The following NGEF variants were observed in gnomAD, a reference collection of about 807,000 sequenced individuals.
NGEF encodes neuronal guanine nucleotide exchange factor.
A neutral mutation model predicts 80.9 loss-of-function variants in NGEF; 31 were observed. That is an observed-to-expected ratio of 0.38 (90% CI 0.29 to 0.52). The LOEUF (loss-of-function observed/expected upper bound fraction) is 0.52. Ranked by LOEUF, NGEF falls within the 20% of genes least tolerant of loss-of-function variation. NGEF has a pLI of 0.84. For missense variants in NGEF, 709 were observed against 926.2 expected, an observed-to-expected ratio of 0.77 and a Z score of 3.04; for synonymous variants, 371 against 370.2, an observed-to-expected ratio of 1.00 and a Z score of -0.03.
intron 3 of NGEF, among the ~76,000 whole-genome samples, chr2:232,946,376 C>T (rs1693558970): frequency 6.6e-6 from 1 of 152,036 alleles, no homozygotes; most frequent in Non-Finnish European, 1.5e-5. Context: ...TCACAAATCA[C>T]CACTAAAGAA....
intron 8 of NGEF, 99 bp downstream of exon 8, chr2:232,891,259 G>T (rs1000454281): frequency 6.8e-7 from 1 of 1,472,280 alleles, no homozygotes; most frequent in Non-Finnish European, 9.3e-7. Context: ...CTTAGTATCT[G>T]TTGAACCAGT....
At chr2:232,942,866 C>CCG (rs1553552430) in intron 3 of NGEF, among the ~76,000 whole-genome samples, 3 of 145,024 alleles carry the variant, frequency 2.1e-5, no homozygotes, top group Non-Finnish European at 4.5e-5. Context: ...CATTATTTTC[C>CCG]GGGGGGGAGT....
intron 1 of NGEF, among the ~76,000 whole-genome samples, chr2:232,996,822 A>AT (rs112371323): frequency 0.1 from 15,775 of 152,068 alleles, 2,746 homozygotes; most frequent in African/African-American, 0.36. Flanking sequence ...TGGTTAAAAG[A>AT]TTTTTTTAAA....
chr2:233,001,423 G>A (rs1694975856), intron 1 of NGEF, among the ~76,000 whole-genome samples: 5 of 152,222 alleles, frequency 3.3e-5, no homozygotes. Flanking sequence ...CATAGGTAGG[G>A]GGAGGTGACT....
At chr2:232,887,973 G>C (rs1559192131) in intron 9 of NGEF, 60 bp downstream of exon 9, 1 of 1,292,988 alleles carries the variant, frequency 7.7e-7, no homozygotes, top group South Asian at 1.2e-5. Flanking sequence ...GGCCGGAAAG[G>C]TGTGCCTGGA....
At chr2:232,956,051 G>A (rs114338795) in intron 3 of NGEF, among the ~76,000 whole-genome samples, 1,834 of 152,282 alleles carry the variant, frequency 0.012, 24 homozygotes, top group African/African-American at 0.027. Context: ...GCATGTGCTT[G>A]TATGTGCTGG....
At chr2:232,900,489 C>T (rs1191363847) in intron 5 of NGEF, among the ~76,000 whole-genome samples, 1 of 115,126 alleles carries the variant, frequency 8.7e-6, no homozygotes, top group Non-Finnish European at 1.8e-5. Context: ...CTCTCACAGT[C>T]ACTCATATAC....
chr2:232,953,945 T>C (rs1266996126), intron 3 of NGEF, among the ~76,000 whole-genome samples: 1 of 152,164 alleles, frequency 6.6e-6, no homozygotes, highest in Non-Finnish European at 1.5e-5. Flanking sequence ...AATGAACTCA[T>C]AAATGAATGA....
chr2:232,959,207 G>T (rs923308011), intron 3 of NGEF, among the ~76,000 whole-genome samples: 1 of 151,868 alleles, frequency 6.6e-6, no homozygotes, highest in African/African-American at 2.4e-5. Context: ...GAGAAATTGG[G>T]GCATTTATCC....
intron 1 of NGEF, among the ~76,000 whole-genome samples, chr2:232,993,560 C>T (rs537099390): frequency 6.6e-6 from 1 of 152,238 alleles, no homozygotes; most frequent in Non-Finnish European, 1.5e-5. Context: ...CAACAATTCT[C>T]TTCCTAAGCC....
intron 3 of NGEF, among the ~76,000 whole-genome samples, chr2:232,930,989 A>G (rs561762243): frequency 1.1e-3 from 172 of 152,314 alleles, no homozygotes; most frequent in African/African-American, 4.1e-3. Flanking sequence ...AGAAGCAAAA[A>G]TTCCTTTCCA....
At chr2:232,887,492 G>A (rs530814750) in intron 9 of NGEF, among the ~76,000 whole-genome samples, 88 of 152,184 alleles carry the variant, frequency 5.8e-4, no homozygotes, top group Non-Finnish European at 1.2e-3. Flanking sequence ...ACTGAGCTCC[G>A]GGGACTGGGA....
rs1448503004 is a variant in NGEF, at chr2:232,885,302, T to C, written c.1415A>G (p.Lys472Arg). The C allele has an allele frequency of 3.7e-5, 60 of 1,613,972 alleles. No individual in the cohort carries two copies. In the East Asian group the frequency reaches 1.3e-3, roughly 36 times the overall value. ...CACCTTGATCTTGAACTCCATCTTCTTCTGAATGCTGATCATCTGTTCCGT... is the reference window on the plus strand; with the variant it reads ...CACCTTGATCTTGAACTCCATCTTCCTCTGAATGCTGATCATCTGTTCCGT... ...SRTEQMISIQ[K>R]KMEFKIKSVP... The change falls in exon 10 of 15, where the codon AAG (lysine) becomes AGG (arginine). Residue 472 changes from lysine (K) to arginine (R), a missense_variant. Around this residue, in one of 2 missense-constraint regions of NGEF, gnomAD observed 426 missense variants for 622.9 expected, o/e 0.68. Transcript: ENST00000264051.
At chr2:232,906,810 G>T (rs1188641137) in intron 5 of NGEF, among the ~76,000 whole-genome samples, 1 of 151,744 alleles carries the variant, frequency 6.6e-6, no homozygotes, top group Non-Finnish European at 1.5e-5. Flanking sequence ...AGTAGACATG[G>T]GAGACTTTTC....
chr2:232,967,686 T>C (rs1219519011), intron 3 of NGEF, among the ~76,000 whole-genome samples: 1 of 146,542 alleles, frequency 6.8e-6, no homozygotes, highest in Non-Finnish European at 1.5e-5. Flanking sequence ...TAATATCTAA[T>C]TACATGCAAA....
At chr2:232,941,863 A>G (rs1693443663) in intron 3 of NGEF, among the ~76,000 whole-genome samples, 1 of 152,224 alleles carries the variant, frequency 6.6e-6, no homozygotes, top group African/African-American at 2.4e-5. Flanking sequence ...CAACTTTTAC[A>G]GTAAATTACT....
chr2:232,922,559 C>T (rs1349774066), intron 4 of NGEF, among the ~76,000 whole-genome samples: 1 of 152,146 alleles, frequency 6.6e-6, no homozygotes, highest in Non-Finnish European at 1.5e-5. Context: ...AAGACAGGTC[C>T]GACGTCACCA....
chr2:232,879,874 T>A (rs1691434061), intron 14 of NGEF, among the ~76,000 whole-genome samples, 195 bp from the exon 15 acceptor site: 1 of 152,150 alleles, frequency 6.6e-6, no homozygotes, highest in Non-Finnish European at 1.5e-5. Flanking sequence ...GGGAGGTGCA[T>A]GAGCACCTGC....
chr2:232,928,498 C>A (rs2106285791), intron 3 of NGEF, among the ~76,000 whole-genome samples: 1 of 152,120 alleles, frequency 6.6e-6, no homozygotes, highest in South Asian at 2.1e-4. Context: ...GCCTTGCCCA[C>A]GCTGGGCACC....
Sources: gnomAD v4.1 joint callset for allele counts (sites outside exome capture counted in the v4.1 genomes callset) on GRCh38, gnomAD v4.1.1 for gene constraint, gnomAD v4.1.1 regional missense constraint, MANE v1.5 for transcripts, NCBI Gene and HGNC (gene_info 2026-07-23, HGNC 2026-07-21) for gene names.